The following SI variants were observed in gnomAD, a reference collection of about 807,000 sequenced individuals.
SI encodes sucrase-isomaltase, also known as sucrase-isomaltase, intestinal.
A neutral mutation model predicts 253.3 loss-of-function variants in SI; 235 were observed. The ratio of observed to expected loss-of-function variants is 0.93; its 90% CI spans 0.83 to 1.03. SI has a LOEUF of 1.03. SI is among the 50% of genes least tolerant of loss of function. The pLI is 0.00. For missense variants in SI, 2,442 were observed against 2,211.1 expected, an observed-to-expected ratio of 1.10 and a Z score of -2.09; for synonymous variants, 819 against 712.0, an observed-to-expected ratio of 1.15 and a Z score of -2.39.
In SI at chr3:165,030,714, T is replaced by C; in HGVS notation, c.2890A>G (p.Thr964Ala). Residue 964 changes from threonine (T) to alanine (A), a missense_variant and splice_region_variant, in exon 25 of 48, where the codon ACG (threonine) becomes GCG (alanine). By Grantham distance (58) the Thr-to-Ala change is moderately conservative. Transcript: ENST00000264382. ...GTAATAGTTAAAATTATTATTACCG[T>C]TCTCCATACACAGCCACGTTGTGTG... ...KCTQRGCVWR[T>A]GSSLSKAPEC... 1 of 1,607,630 alleles carries C rather than the reference T, an allele frequency of 6.2e-7. No homozygotes were observed. Among genetic ancestry groups the C allele is most frequent in the Non-Finnish European group, 8.5e-7 (1 of 1,175,926 alleles).
intron 44 of SI, among the ~76,000 whole-genome samples, chr3:164,989,448 G>GGAA: frequency 6.9e-6 from 1 of 145,156 alleles, no homozygotes; most frequent in African/African-American, 2.5e-5. Context: ...AAAGAAAGAA[G>GGAA]AGAGGAGAGG....
At position 164,997,847 on chromosome 3, in the gene SI, A is replaced by G. The variant is rs181370292; in HGVS notation, c.4540+693T>C. Among the ~76,000 whole-genome samples, 277 of 151,952 alleles carry G rather than the reference A, an allele frequency of 1.8e-3. 2 individuals carry two copies. Among genetic ancestry groups the G allele is most frequent in the African/African-American group, 6.2e-3 (258 of 41,500 alleles). On this transcript the variant is annotated intron_variant, in intron 38 of 47. Coordinates refer to ENST00000264382, the MANE Select transcript of SI (RefSeq NM_001041.4). Reference sequence around the variant, plus strand: ...CATTTTTTATGGCTGTATATATTCCATGGTGTATATGTACCACATTTTCTT... The same window carrying G: ...CATTTTTTATGGCTGTATATATTCCGTGGTGTATATGTACCACATTTTCTT...
At chr3:165,007,247 C>A (rs1718557977) in intron 36 of SI, among the ~76,000 whole-genome samples, 1 of 152,048 alleles carries the variant, frequency 6.6e-6, no homozygotes, top group African/African-American at 2.4e-5. Context: ...ATTAAAAATT[C>A]ACTTGGTATC....
At chr3:165,028,423 G>A (rs535079358) in intron 25 of SI, among the ~76,000 whole-genome samples, 47 of 151,166 alleles carry the variant, frequency 3.1e-4, no homozygotes, top group Non-Finnish European at 5.8e-4. Context: ...ATTCTTCACC[G>A]AACTGGAAAA....
intron 9 of SI, among the ~76,000 whole-genome samples, chr3:165,061,748 T>G (rs978870876): frequency 6.6e-6 from 1 of 152,020 alleles, no homozygotes; most frequent in African/African-American, 2.4e-5. Flanking sequence ...TCATCTTCAG[T>G]GTAGGTCCTG....
chr3:165,006,017 G>C (rs936728724), intron 37 of SI, among the ~76,000 whole-genome samples: 2 of 152,156 alleles, frequency 1.3e-5, no homozygotes, highest in Non-Finnish European at 1.5e-5. Flanking sequence ...ATAAAAGTTT[G>C]TTAAAAATGC....
intron 13 of SI, among the ~76,000 whole-genome samples, chr3:165,052,132 A>G (rs1243191276): frequency 1.3e-5 from 2 of 152,080 alleles, no homozygotes; most frequent in African/African-American, 4.8e-5. Flanking sequence ...TAAACTTACT[A>G]CCCATATTTT....
At chr3:164,995,131 T>C (rs970428709) in intron 40 of SI, among the ~76,000 whole-genome samples, 1 of 151,762 alleles carries the variant, frequency 6.6e-6, no homozygotes, top group Non-Finnish European at 1.5e-5. Context: ...CATTTAAATG[T>C]TTTTCGTTGA....
intron 16 of SI, among the ~76,000 whole-genome samples, chr3:165,044,499 C>A (rs1019349778): frequency 6.6e-6 from 1 of 151,924 alleles, no homozygotes; most frequent in African/African-American, 2.4e-5. Flanking sequence ...ACTTGCATTT[C>A]TCTGATTACA....
intron 40 of SI, among the ~76,000 whole-genome samples, 186 bp downstream of exon 40, chr3:164,996,349 C>T (rs1383742275): frequency 6.6e-6 from 1 of 151,664 alleles, no homozygotes; most frequent in African/African-American, 2.4e-5. Context: ...TGTTCCTACT[C>T]TTCCATAATT....
chr3:165,013,954 T>A (rs189364350), intron 33 of SI, among the ~76,000 whole-genome samples: 26 of 152,218 alleles, frequency 1.7e-4, no homozygotes, highest in Non-Finnish European at 3.4e-4. Context: ...CTCGAACTCC[T>A]GGGCTCAAGC....
At chr3:165,041,945 C>G (rs1428205113) in intron 17 of SI, among the ~76,000 whole-genome samples, 2 of 152,000 alleles carry the variant, frequency 1.3e-5, no homozygotes, top group African/African-American at 4.8e-5. Flanking sequence ...GAAGGACTCC[C>G]CACTCACTTG....
chr3:165,033,547 T>C (rs1712360416), intron 22 of SI, 103 bp from the exon 23 acceptor site: 5 of 1,098,708 alleles, frequency 4.6e-6, no homozygotes, highest in Non-Finnish European at 4.7e-6. Flanking sequence ...AACTAGATGC[T>C]GTTTATTAAT....
At chr3:164,999,449 C>T (rs1380447245) in intron 37 of SI, among the ~76,000 whole-genome samples, 1 of 151,538 alleles carries the variant, frequency 6.6e-6, no homozygotes, top group Non-Finnish European at 1.5e-5. Context: ...TAAAGTTTTA[C>T]TCTAATATTA....
At chr3:165,065,462 C>T in intron 6 of SI, 30 bp from the exon 7 acceptor site, 2 of 422,432 alleles carry the variant, frequency 4.7e-6, no homozygotes, top group Non-Finnish European at 7.1e-6. Context: ...AAGAAATAAT[C>T]TAATATATAT....
intron 3 of SI, among the ~76,000 whole-genome samples, chr3:165,071,969 T>G (rs986605782): frequency 6.6e-6 from 1 of 152,148 alleles, no homozygotes; most frequent in Non-Finnish European, 1.5e-5. Context: ...GCCTGTTACC[T>G]AGGTAACCAT....
At chr3:165,046,483 A>G (rs990776447) in intron 16 of SI, among the ~76,000 whole-genome samples, 2 of 152,050 alleles carry the variant, frequency 1.3e-5, no homozygotes, top group African/African-American at 4.8e-5. Flanking sequence ...TAATATTTTA[A>G]GTAGACTTAG....
In SI at chr3:164,987,099, C is replaced by T. The variant is rs6775977; in HGVS notation, c.5197+39G>A. 9.8e-3 allele frequency: 13,579 copies of T among 1,391,046 alleles called. 1,023 individuals are homozygous for T. In the African/African-American group the frequency reaches 0.17, roughly 17 times the overall value. The allele number at this position is 1,391,046 out of a possible 1,614,324, so 86.2% of individuals were successfully genotyped here. A position where few individuals can be genotyped will look rare whatever the true frequency, so the allele number is the denominator to read the frequency against. The stretch of plus-strand genomic sequence containing the variant: ...AACGTAAAAGTAATGTGATAGAATA[C>T]GACATCAATTAAATTTATCTACTAA... On this transcript the variant is annotated intron_variant, in intron 45 of 47. Transcript: ENST00000264382.
At chr3:165,059,820 C>T (rs913671554) in intron 10 of SI, 82 bp downstream of exon 10, 48 of 1,394,684 alleles carry the variant, frequency 3.4e-5, no homozygotes, top group Non-Finnish European at 4.9e-5. Context: ...ATAGTAGATA[C>T]TCCTGACAAT....
Sources: gnomAD v4.1 joint callset for allele counts (sites outside exome capture counted in the v4.1 genomes callset) on GRCh38, gnomAD v4.1.1 for gene constraint, MANE v1.5 for transcripts, NCBI Gene and HGNC (gene_info 2026-07-23, HGNC 2026-07-21) for gene names.